PCDHGA1: variants seen among roughly 807,000 people sequenced by gnomAD.
PCDHGA1 encodes protocadherin gamma-A1.
PCDHGA1 carries 32 observed loss-of-function variants against 58.0 expected under a neutral mutation model. The ratio of observed to expected loss-of-function variants is 0.55; its 90% CI spans 0.42 to 0.74. The LOEUF (loss-of-function observed/expected upper bound fraction) is 0.74, where lower values mean the gene tolerates loss of function less well. Ranked by LOEUF, PCDHGA1 falls within the 30% of genes least tolerant of loss-of-function variation. The probability of loss-of-function intolerance (pLI) is 0.00; values close to 1 mark genes in which losing one functional copy is unlikely to be tolerated. For missense variants in PCDHGA1, 1,205 were observed against 1,182.3 expected (o/e 1.02, Z -0.28); for synonymous variants, 498 against 501.1 (o/e 0.99, Z 0.08).
Position 141,343,704 on chromosome 5 carries a change from G to C in PCDHGA1, c.2421+10599G>C, listed in dbSNP as rs184376889. The C allele has an allele frequency of 7.9e-4, 170 of 215,370 alleles. 2 individuals are homozygous for C. The Middle Eastern group carries it at 0.017, about 21-fold the overall frequency. The allele number at this position is 215,370 out of a possible 1,614,324, so 13.3% of individuals were successfully genotyped here. A position where few individuals can be genotyped will look rare whatever the true frequency, so the allele number is the denominator to read the frequency against. On this transcript the variant is annotated intron_variant, in intron 1 of 3. Coordinates refer to ENST00000517417, the MANE Select transcript of PCDHGA1 (RefSeq NM_018912.3). Reference sequence around the variant, plus strand: ...ACACTAGTCCTCTTATCTCTGACAAGAAGGATTTCAGATCTTGGATAATTC... The same window carrying C: ...ACACTAGTCCTCTTATCTCTGACAACAAGGATTTCAGATCTTGGATAATTC...
rs776120937 is a variant in PCDHGA1 at position 141,388,588 on chromosome 5, C to A, written c.2421+55483C>A. On this transcript the variant is annotated intron_variant, in intron 1 of 3. Transcript: ENST00000517417. ...CAGATACACGTTCTAGTGACTGATG[C>A]CAATGATAATGCTCCAGTGTTCAGT... The A allele has an allele frequency of 1.9e-6, 3 of 1,613,876 alleles. No individual in the cohort carries two copies. The South Asian group carries it at 3.3e-5, about 18-fold the overall frequency.
At chr5:141,347,786 CAAA>C (rs1186221035) in intron 1 of PCDHGA1, among the ~76,000 whole-genome samples, 1 of 106,276 alleles carries the variant, frequency 9.4e-6, no homozygotes. Flanking sequence ...GACTCCATCT[CAAA>C]AAAAAAAAAA....
At position 141,477,137 on chromosome 5, in the gene PCDHGA1, G is replaced by A; in HGVS notation, c.2422-17670G>A. 1 of 1,614,200 alleles carries A rather than the reference G, an allele frequency of 6.2e-7. No individual in the cohort carries two copies. The highest frequency in any genetic ancestry group is 8.5e-7 in the Non-Finnish European group (1 of 1,180,050). On this transcript the variant is annotated intron_variant, in intron 1 of 3. Coordinates refer to ENST00000517417, the MANE Select transcript of PCDHGA1 (RefSeq NM_018912.3). The surrounding 1 kb of genome is among the most constrained non-coding windows in gnomAD (Gnocchi z 4.9). ...AGGAGCACATTGCAAAGTGTTGGTG[G>A]AGGTTGTGGATGTGAATGACAACGC...
intron 1 of PCDHGA1, chr5:141,413,740 C>T (rs1274240064): frequency 5.6e-6 from 9 of 1,613,284 alleles, no homozygotes; most frequent in African/African-American, 1.3e-5. Flanking sequence ...AGTTCAGAGC[C>T]GTGCCAATGG....
chr5:141,475,105 G>C (rs1215386045), intron 1 of PCDHGA1, among the ~76,000 whole-genome samples: 1 of 152,156 alleles, frequency 6.6e-6, no homozygotes, highest in Non-Finnish European at 1.5e-5. Context: ...GATCCTAGGT[G>C]GTAAATAGGC....
At position 141,486,646 on chromosome 5, in the gene PCDHGA1, C is replaced by T; in HGVS notation, c.2422-8161C>T. On this transcript the variant is annotated intron_variant, in intron 1 of 3. Transcript: ENST00000517417. The surrounding 1 kb of genome is among the most constrained non-coding windows in gnomAD (Gnocchi z 5.0). ...ACTCTGGCTTGAATGCGCTTATCTC[C>T]TACTCACTCCTGGAGCCCAGGAATC... is the stretch of plus-strand genomic sequence containing the variant. 4.3e-6 allele frequency: 7 copies of T among 1,613,916 alleles called. No individual in the cohort carries two copies. Among genetic ancestry groups the T allele is most frequent in the African/African-American group, 1.3e-5 (1 of 75,058 alleles).
chr5:141,333,584 G>T (rs1756474779), intron 1 of PCDHGA1: 1 of 182,274 alleles, frequency 5.5e-6, no homozygotes, highest in Non-Finnish European at 1.1e-5. Flanking sequence ...ATTTGAAGAG[G>T]TGAAGATTGT....
chr5:141,414,000 A>C (rs759228883), intron 1 of PCDHGA1: 20 of 1,613,400 alleles, frequency 1.2e-5, no homozygotes, highest in Non-Finnish European at 1.6e-5. Flanking sequence ...ACAGGGACGA[A>C]GGTGCCAATG....
intron 1 of PCDHGA1, chr5:141,390,051 A>C: frequency 6.2e-7 from 1 of 1,613,978 alleles, no homozygotes; most frequent in Non-Finnish European, 8.5e-7. Context: ...CGCCTCCTGG[A>C]GCTGCTTCCA....
At position 141,491,605 on chromosome 5, in the gene PCDHGA1, T is replaced by C; in HGVS notation, c.2422-3202T>C. On this transcript the variant is annotated intron_variant, in intron 1 of 3. Coordinates refer to ENST00000517417, the MANE Select transcript of PCDHGA1 (RefSeq NM_018912.3). This position sits in a 1 kb window ranked among gnomAD's most constrained non-coding sequence, Gnocchi z 6.9. Reference sequence around the variant, plus strand: ...GGCCTCGGACGGCAGTGACTTCACTTTTCTAAGACCCCTCAGCGTTCAGCA... The same window carrying C: ...GGCCTCGGACGGCAGTGACTTCACTCTTCTAAGACCCCTCAGCGTTCAGCA... 6.2e-7 allele frequency: 1 copy of C among 1,613,868 alleles called. No individual in the cohort carries two copies. Among genetic ancestry groups the C allele is most frequent in the East Asian group, 2.2e-5 (1 of 44,858 alleles).
intron 1 of PCDHGA1, chr5:141,376,904 G>A (rs1773512555): frequency 5.3e-6 from 1 of 188,504 alleles, no homozygotes; most frequent in African/African-American, 2.4e-5. Context: ...AGCCAGGATG[G>A]TCTCGATCTC....
chr5:141,441,810 C>A, intron 1 of PCDHGA1: 1 of 372,576 alleles, frequency 2.7e-6, no homozygotes. Context: ...GGTGCTGTAC[C>A]CCAGCTCTGG....
intron 1 of PCDHGA1, among the ~76,000 whole-genome samples, chr5:141,471,791 A>C (rs904614629): frequency 1.3e-5 from 2 of 152,238 alleles, no homozygotes; most frequent in Admixed American, 1.3e-4. Context: ...ATGCTATGTC[A>C]TATAAAAGAC....
intron 1 of PCDHGA1, chr5:141,339,156 A>G (rs769567605): frequency 3.1e-6 from 5 of 1,614,206 alleles, no homozygotes; most frequent in Non-Finnish European, 4.2e-6. Context: ...CTGGCAGAGC[A>G]GGGAGTCCGC....
At chr5:141,337,173 G>A (rs1318706015) in intron 1 of PCDHGA1, among the ~76,000 whole-genome samples, 1 of 152,212 alleles carries the variant, frequency 6.6e-6, no homozygotes, top group African/African-American at 2.4e-5. Flanking sequence ...TGCATTGCTG[G>A]TGAATATAAA....
rs777856819 is a variant in PCDHGA1, at chr5:141,487,572, T to A, written c.2422-7235T>A. On this transcript the variant is annotated intron_variant, in intron 1 of 3. Coordinates refer to ENST00000517417, the MANE Select transcript of PCDHGA1 (RefSeq NM_018912.3). The surrounding 1 kb of genome is among the most constrained non-coding windows in gnomAD (Gnocchi z 5.0). ...AGTGCACCTATGGCAGGGGAGCCTG[T>A]TCGCCCAAGCTGCCCACCCTCTGAT... 1 of 1,614,168 alleles carries A rather than the reference T, an allele frequency of 6.2e-7. No individual in the cohort carries two copies. Among genetic ancestry groups the A allele is most frequent in the Non-Finnish European group, 8.5e-7 (1 of 1,180,034 alleles).
chr5:141,409,824 C>T (rs1265260597), intron 1 of PCDHGA1: 1 of 1,610,860 alleles, frequency 6.2e-7, no homozygotes, highest in Non-Finnish European at 8.5e-7. Flanking sequence ...GGCTCGCCCA[C>T]GCTCAGCGCC....
chr5:141,362,632 TTTC>T (rs1762606718), intron 1 of PCDHGA1: 2 of 1,490,270 alleles, frequency 1.3e-6, no homozygotes, highest in Admixed American at 4.6e-5. Flanking sequence ...CCACTGCGTA[TTTC>T]TTTGTCTGTG....
At chr5:141,344,997 C>A in intron 1 of PCDHGA1, 1 of 1,613,934 alleles carries the variant, frequency 6.2e-7, no homozygotes, top group East Asian at 2.2e-5. Flanking sequence ...AATTGAAGCA[C>A]AGGATGGACC....
Sources: gnomAD v4.1 joint callset for allele counts (sites outside exome capture counted in the v4.1 genomes callset) on GRCh38, gnomAD v4.1.1 for gene constraint, Gnocchi (gnomAD v3.1) non-coding constraint, MANE v1.5 for transcripts, NCBI Gene and HGNC (gene_info 2026-07-23, HGNC 2026-07-21) for gene names.